The following ANO3 variants were observed in gnomAD, a reference collection of about 807,000 sequenced individuals.
The protein encoded by ANO3 is anoctamin 3.
ANO3 carries 99 observed loss-of-function variants against 144.8 expected under a neutral mutation model. That is an observed-to-expected ratio of 0.68 (90% confidence interval 0.58 to 0.81). The LOEUF (loss-of-function observed/expected upper bound fraction) is 0.81. ANO3 is among the 30% of genes least tolerant of loss of function. ANO3 has a pLI of 0.00. For synonymous variants in ANO3, 414 were observed against 392.6 expected (o/e 1.05, Z -0.64); for missense variants, 905 against 1,202.2 (o/e 0.75, Z 3.66).
intron 1 of ANO3, among the ~76,000 whole-genome samples, chr11:26,349,506 A>G (rs1448583244): frequency 2.0e-5 from 3 of 152,138 alleles, no homozygotes; most frequent in Non-Finnish European, 4.4e-5. Flanking sequence ...ACATACTATT[A>G]TAAGTCACTT....
chr11:26,218,527 TC>T (rs1313437173), intron 1 of ANO3, among the ~76,000 whole-genome samples: 1 of 152,144 alleles, frequency 6.6e-6, no homozygotes, highest in Admixed American at 6.6e-5. Context: ...TCAATTATAC[TC>T]CCTGGCCCTT....
chr11:26,570,956 C>G (rs1044489023), intron 14 of ANO3, among the ~76,000 whole-genome samples: 5 of 151,936 alleles, frequency 3.3e-5, no homozygotes, highest in Admixed American at 6.6e-5. Context: ...TCTCATTTTA[C>G]TTTTATGTGA....
At chr11:26,640,357 C>T (rs2133055934) in intron 21 of ANO3, among the ~76,000 whole-genome samples, 1 of 152,232 alleles carries the variant, frequency 6.6e-6, no homozygotes, top group South Asian at 2.1e-4. Context: ...ACTTAATATT[C>T]AAAACAAATT....
chr11:26,304,911 C>T (rs2133865742), upstream of ANO3, among the ~76,000 whole-genome samples: 1 of 152,128 alleles, frequency 6.6e-6, no homozygotes, highest in East Asian at 1.9e-4. Context: ...AGACTGGTCA[C>T]TCATGTTATT....
intron 17 of ANO3, among the ~76,000 whole-genome samples, chr11:26,606,984 C>T (rs1327459889): frequency 4.6e-5 from 7 of 152,126 alleles, no homozygotes. Context: ...AATTCCTCAA[C>T]ATTTGCTTGT....
chr11:26,301,848 A>G (rs1448151595), intron 1 of ANO3, among the ~76,000 whole-genome samples: 9 of 152,230 alleles, frequency 5.9e-5, no homozygotes, highest in Non-Finnish European at 1.0e-4. Flanking sequence ...CTCAAAAGAC[A>G]AGGAGGCTCA....
chr11:26,550,249 AATTG>A (rs2134223655), intron 12 of ANO3, among the ~76,000 whole-genome samples: 1 of 151,866 alleles, frequency 6.6e-6, no homozygotes, highest in South Asian at 2.1e-4. Flanking sequence ...TTTAATTATC[AATTG>A]ATTATTAATA....
intron 16 of ANO3, among the ~76,000 whole-genome samples, chr11:26,599,260 T>C (rs993021888): frequency 3.3e-5 from 5 of 152,320 alleles, no homozygotes; most frequent in South Asian, 2.1e-4. Context: ...TCAGTTGACC[T>C]GATGGATTAG....
At chr11:26,549,545 A>G (rs1279423749) in intron 12 of ANO3, among the ~76,000 whole-genome samples, 2 of 151,938 alleles carry the variant, frequency 1.3e-5, no homozygotes, top group African/African-American at 4.8e-5. Flanking sequence ...ATGTGGCTCT[A>G]TTGATCATGT....
intron 3 of ANO3, among the ~76,000 whole-genome samples, chr11:26,452,476 A>G (rs1858983724): frequency 2.0e-5 from 3 of 152,264 alleles, no homozygotes; most frequent in Non-Finnish European, 2.9e-5. Context: ...AAGAAAGGGT[A>G]TCAGTGATAG....
In ANO3 at chr11:26,476,631, TGCCCC is replaced by T. The variant is rs1239609485; in HGVS notation, c.432+13484_432+13488del. On this transcript the variant is annotated intron_variant, in intron 4 of 26. Coordinates refer to ENST00000256737, the MANE Select transcript of ANO3 (RefSeq NM_031418.4). The stretch of plus-strand genomic sequence containing the variant: ...GATCTCTGTTTTTATAAGATCACTC[TGCCCC>T]TTTGGGTGGGGAAACAATGTCGGAG... Among the ~76,000 whole-genome samples the T allele has an allele frequency of 4.6e-3, 696 of 152,158 alleles. 1 individual carries two copies. The highest frequency in any genetic ancestry group is 0.016 in the African/African-American group (659 of 41,530).
intron 1 of ANO3, among the ~76,000 whole-genome samples, chr11:26,437,473 T>G (rs796223995): frequency 5.3e-4 from 81 of 152,346 alleles, no homozygotes; most frequent in African/African-American, 1.9e-3. Flanking sequence ...TCTGTGTCAC[T>G]CAGGGGTGGG....
chr11:26,605,940 GTT>G (rs1467787613), intron 17 of ANO3, among the ~76,000 whole-genome samples: 1 of 151,326 alleles, frequency 6.6e-6, no homozygotes, highest in African/African-American at 2.4e-5. Flanking sequence ...ACCTCCTTCT[GTT>G]CTGCTCTGAT....
chr11:26,339,040 A>G (rs1222103754), intron 1 of ANO3, among the ~76,000 whole-genome samples: 1 of 152,150 alleles, frequency 6.6e-6, no homozygotes, highest in East Asian at 1.9e-4. Flanking sequence ...TATTGTTCTT[A>G]TTTTCAAGGT....
intron 11 of ANO3, among the ~76,000 whole-genome samples, chr11:26,546,666 G>A (rs1040483207): frequency 6.6e-6 from 1 of 151,904 alleles, no homozygotes; most frequent in East Asian, 1.9e-4. Flanking sequence ...GTAGTTATTC[G>A]AGCTGCCTTA....
chr11:26,476,989 T>C (rs976143269), intron 4 of ANO3, among the ~76,000 whole-genome samples: 2 of 151,152 alleles, frequency 1.3e-5, no homozygotes, highest in South Asian at 4.1e-4. Context: ...GATTTTTAAA[T>C]TTTGTTTTGT....
chr11:26,355,164 G>A (rs768451688), intron 1 of ANO3, among the ~76,000 whole-genome samples: 8 of 151,956 alleles, frequency 5.3e-5, no homozygotes, highest in Non-Finnish European at 7.4e-5. Flanking sequence ...TCTTGATCCC[G>A]TGTCTTTCAG....
chr11:26,303,390 C>T (rs546138503), intron 1 of ANO3, among the ~76,000 whole-genome samples: 1 of 152,212 alleles, frequency 6.6e-6, no homozygotes, highest in East Asian at 1.9e-4. Context: ...TTATGCCCTT[C>T]GCAGCAACAA....
At chr11:26,606,685 T>C (rs894640440) in intron 17 of ANO3, among the ~76,000 whole-genome samples, 1 of 152,116 alleles carries the variant, frequency 6.6e-6, no homozygotes, top group Non-Finnish European at 1.5e-5. Context: ...ATAGGTCTCC[T>C]GAATATAGGA....
Sources: gnomAD v4.1 joint callset for allele counts (sites outside exome capture counted in the v4.1 genomes callset) on GRCh38, gnomAD v4.1.1 for gene constraint, MANE v1.5 for transcripts, NCBI Gene and HGNC (gene_info 2026-07-23, HGNC 2026-07-21) for gene names.